The following MDGA2 variants were observed in gnomAD, a reference collection of about 807,000 sequenced individuals.
MDGA2 encodes the protein MAM domain containing glycosylphosphatidylinositol anchor 2, also known as MAM domain-containing glycosylphosphatidylinositol anchor protein 2.
Under a neutral mutation model 117.8 loss-of-function variants are expected in MDGA2, and 40 were observed. The ratio of observed to expected loss-of-function variants is 0.34; its 90% CI spans 0.26 to 0.44. The LOEUF is 0.44. MDGA2 is among the 20% of genes least tolerant of loss of function. The pLI is 1.00. For synonymous variants in MDGA2, 452 were observed against 439.0 expected (o/e 1.03, Z -0.37); for missense variants, 1,123 against 1,250.6 (o/e 0.90, Z 1.54).
At chr14:47,563,554 G>A (rs1227975483) in intron 1 of MDGA2, among the ~76,000 whole-genome samples, 1 of 121,528 alleles carries the variant, frequency 8.2e-6, no homozygotes, top group African/African-American at 3.2e-5. Flanking sequence ...TCTGAAATTA[G>A]AATAGCAACC....
chr14:47,513,293 T>C (rs2138698043), intron 1 of MDGA2, among the ~76,000 whole-genome samples: 1 of 152,282 alleles, frequency 6.6e-6, no homozygotes, highest in Non-Finnish European at 1.5e-5. Flanking sequence ...GCTGATACTG[T>C]AGTGAACAAA....
Position 47,110,482 on chromosome 14 carries a change from G to A in MDGA2, c.926-13359C>T, listed in dbSNP as rs978830885. ...TTTACTTTTTCATTTTGTACCATATGGAAAGGTACTCTCCTACTGGGAAAA... is the reference window on the plus strand; with the variant it reads ...TTTACTTTTTCATTTTGTACCATATAGAAAGGTACTCTCCTACTGGGAAAA... On this transcript the variant is annotated intron_variant, in intron 5 of 16. Transcript: ENST00000399232. Among the ~76,000 whole-genome samples, 6 of 152,204 alleles carry A rather than the reference G, an allele frequency of 3.9e-5. No homozygotes were observed. In the East Asian group the frequency reaches 7.7e-4, roughly 20 times the overall value.
At chr14:46,947,207 TTC>T (rs1224975751) in intron 9 of MDGA2, among the ~76,000 whole-genome samples, 2 of 152,112 alleles carry the variant, frequency 1.3e-5, no homozygotes, top group African/African-American at 4.8e-5. Flanking sequence ...GCATGCAAAA[TTC>T]TTTTTCAATT....
At chr14:47,654,164 A>AT (rs1435696451) in intron 1 of MDGA2, among the ~76,000 whole-genome samples, 1 of 152,220 alleles carries the variant, frequency 6.6e-6, no homozygotes, top group Non-Finnish European at 1.5e-5. Context: ...GAACTTAATT[A>AT]TAAGAGCAAA....
chr14:47,503,289 TAAA>T (rs1894437800), intron 1 of MDGA2, among the ~76,000 whole-genome samples: 1 of 149,504 alleles, frequency 6.7e-6, no homozygotes, highest in Admixed American at 6.7e-5. Flanking sequence ...GGTCAGAGAG[TAAA>T]ACATGCTTTA....
rs188332730 is a variant in MDGA2 at position 47,371,073 on chromosome 14, T to A, written c.281-69523A>T. Among the ~76,000 whole-genome samples, 13 of 151,992 alleles carry A rather than the reference T, an allele frequency of 8.6e-5. No homozygotes were observed. In the East Asian group the frequency reaches 1.5e-3, roughly 18 times the overall value. ...GAGGTGAAAAAGGAGTTCTATAAGA[T>A]AATAATAATTTTACAAATTGAAATA... is the stretch of plus-strand genomic sequence containing the variant. On this transcript the variant is annotated intron_variant, in intron 1 of 16. Coordinates refer to ENST00000399232, the MANE Select transcript of MDGA2 (RefSeq NM_001113498.3).
At chr14:47,262,198 A>T (rs981895081) in intron 2 of MDGA2, among the ~76,000 whole-genome samples, 22 of 152,198 alleles carry the variant, frequency 1.4e-4, no homozygotes, top group Admixed American at 7.2e-4. Flanking sequence ...ATTCACCTAT[A>T]TAGCCCTATC....
At chr14:47,451,051 T>TGG (rs1893231265) in intron 1 of MDGA2, among the ~76,000 whole-genome samples, 1 of 152,102 alleles carries the variant, frequency 6.6e-6, no homozygotes, top group African/African-American at 2.4e-5. Flanking sequence ...CTAGAAAAGG[T>TGG]ACCTCAGTGG....
At chr14:47,022,562 T>C (rs1371458776) in intron 8 of MDGA2, among the ~76,000 whole-genome samples, 1 of 152,144 alleles carries the variant, frequency 6.6e-6, no homozygotes, top group Non-Finnish European at 1.5e-5. Context: ...TGTCTCCGTA[T>C]ATTAGGAGTT....
At position 46,968,960 on chromosome 14, in the gene MDGA2, T is replaced by A. The variant is rs373323082; in HGVS notation, c.1820-11317A>T. Among the ~76,000 whole-genome samples the A allele has an allele frequency of 1.2e-3, 179 of 151,122 alleles. 1 individual carries two copies. Among genetic ancestry groups the A allele is most frequent in the African/African-American group, 4.1e-3 (170 of 41,116 alleles). On this transcript the variant is annotated intron_variant, in intron 8 of 16. Transcript: ENST00000399232. ...CAATAATGAACTAGCTGAGAAAAAA[T>A]CAAGAAAACAATCCCACTTGCAATA...
chr14:47,259,771 T>C (rs1390254090), intron 2 of MDGA2, among the ~76,000 whole-genome samples: 1 of 152,152 alleles, frequency 6.6e-6, no homozygotes, highest in East Asian at 1.9e-4. Context: ...TGAATTTTGC[T>C]AACTATGGAA....
intron 1 of MDGA2, among the ~76,000 whole-genome samples, chr14:47,319,081 G>A (rs1889899099): frequency 6.6e-6 from 1 of 152,078 alleles, no homozygotes; most frequent in African/African-American, 2.4e-5. Flanking sequence ...ATATAAAAAT[G>A]TCTGAAAGTG....
intron 1 of MDGA2, among the ~76,000 whole-genome samples, chr14:47,612,906 T>C (rs924536366): frequency 6.6e-6 from 1 of 152,218 alleles, no homozygotes; most frequent in African/African-American, 2.4e-5. Context: ...TGATCAAGTT[T>C]ATTAGCAGGA....
At chr14:47,478,604 G>T (rs1372886583) in intron 1 of MDGA2, among the ~76,000 whole-genome samples, 1 of 151,950 alleles carries the variant, frequency 6.6e-6, no homozygotes, top group Non-Finnish European at 1.5e-5. Flanking sequence ...TCAAACTCCT[G>T]GGCTCAAGCG....
intron 3 of MDGA2, among the ~76,000 whole-genome samples, chr14:47,150,472 A>C (rs1439264271): frequency 6.6e-6 from 1 of 152,180 alleles, no homozygotes; most frequent in Admixed American, 6.5e-5. Flanking sequence ...CGTAAAAGGA[A>C]CCCAGCAGAA....
rs1412898662 is a variant in MDGA2 at position 47,519,002 on chromosome 14, G to A, written c.280+155515C>T. On this transcript the variant is annotated intron_variant, in intron 1 of 16. Transcript: ENST00000399232. ...GCAGATCAACTGAGGTCAGGAGTTC[G>A]AGATCAAACTGGCAAACATGGTGAA... Among the ~76,000 whole-genome samples the A allele has an allele frequency of 2.0e-5, 3 of 152,084 alleles. No individual in the cohort carries two copies. In the South Asian group the frequency reaches 6.2e-4, roughly 32 times the overall value.
chr14:47,356,890 A>G (rs1048426512), intron 1 of MDGA2, among the ~76,000 whole-genome samples: 5 of 152,208 alleles, frequency 3.3e-5, no homozygotes, highest in African/African-American at 9.7e-5. Flanking sequence ...AAATGTCACA[A>G]TCAATGTAAA....
chr14:47,182,949 C>T (rs1884767874), intron 3 of MDGA2, among the ~76,000 whole-genome samples: 1 of 152,070 alleles, frequency 6.6e-6, no homozygotes, highest in Non-Finnish European at 1.5e-5. Flanking sequence ...TAATTCACTA[C>T]ATGATTTTAG....
intron 1 of MDGA2, among the ~76,000 whole-genome samples, chr14:47,368,813 G>C (rs926401094): frequency 6.6e-6 from 1 of 151,836 alleles, no homozygotes; most frequent in Non-Finnish European, 1.5e-5. Flanking sequence ...ACATATGCTT[G>C]GAGAAAAGTC....
Sources: allele counts gnomAD v4.1 joint callset (sites outside exome capture counted in the v4.1 genomes callset), GRCh38; gene constraint gnomAD v4.1.1; transcripts MANE v1.5; gene names NCBI Gene and HGNC (gene_info 2026-07-23, HGNC 2026-07-21).